Variants in ATP9B observed in about 807,000 individuals in gnomAD.
ATP9B encodes the protein ATPase phospholipid transporting 9B, also known as probable phospholipid-transporting ATPase IIB.
Under a neutral mutation model 146.1 loss-of-function variants are expected in ATP9B, and 110 were observed. That is an observed-to-expected ratio of 0.75 (90% confidence interval 0.65 to 0.88). ATP9B has a LOEUF of 0.88. Ranked by LOEUF, ATP9B falls within the 40% of genes least tolerant of loss-of-function variation. The pLI is 0.00. For missense variants in ATP9B, 1,499 were observed against 1,496.4 expected, an observed-to-expected ratio of 1.00 and a Z score of -0.03; for synonymous variants, 604 against 569.7, an observed-to-expected ratio of 1.06 and a Z score of -0.86.
chr18:79,218,983 C>A (rs534520160), intron 11 of ATP9B, among the ~76,000 whole-genome samples: 1 of 151,900 alleles, frequency 6.6e-6, no homozygotes, highest in African/African-American at 2.4e-5. Context: ...TTGCAGAACC[C>A]GGAAGAATAC....
chr18:79,105,798 A>G (rs537319092), intron 2 of ATP9B, among the ~76,000 whole-genome samples: 1 of 152,184 alleles, frequency 6.6e-6, no homozygotes, highest in African/African-American at 2.4e-5. Context: ...TCCTAGTTCT[A>G]ATGTCCTCAA....
rs1210012647 is a variant in ATP9B, at chr18:79,193,111, G to C, written c.874-72G>C. 4 of 1,150,462 alleles carry C rather than the reference G, an allele frequency of 3.5e-6. No individual in the cohort carries two copies. The South Asian group carries it at 5.7e-5, about 16-fold the overall frequency. The allele number at this position is 1,150,462 out of a possible 1,614,324, so 71.3% of individuals were successfully genotyped here. A position where few individuals can be genotyped will look rare whatever the true frequency, so the allele number is the denominator to read the frequency against. On this transcript the variant is annotated intron_variant, in intron 8 of 29. Coordinates refer to ENST00000426216, the MANE Select transcript of ATP9B (RefSeq NM_198531.5). ...AATAATATATGAACAATATTAATCA[G>C]CAAATGAGAAATTTCCAAGTAATTT...
chr18:79,303,504 T>C, intron 13 of ATP9B, 100 bp from the exon 14 acceptor site: 1 of 865,368 alleles, frequency 1.2e-6, no homozygotes, highest in South Asian at 1.6e-5. Context: ...TCCCAGCTGC[T>C]TCAGCCCATG....
chr18:79,075,512 A>AT (rs1426522837), intron 1 of ATP9B, among the ~76,000 whole-genome samples: 1 of 152,194 alleles, frequency 6.6e-6, no homozygotes, highest in Non-Finnish European at 1.5e-5. Context: ...CACATTTGAG[A>AT]TTCCTGTGTG....
At chr18:79,145,274 G>C (rs1453742504) in intron 6 of ATP9B, 9 of 145,950 alleles carry the variant, frequency 6.2e-5, no homozygotes, top group Non-Finnish European at 7.1e-5. Context: ...GGGGGAGCTG[G>C]CGGTGTGCAG....
chr18:79,242,126 A>G (rs1024730077), intron 11 of ATP9B, among the ~76,000 whole-genome samples: 3 of 152,232 alleles, frequency 2.0e-5, no homozygotes, highest in Admixed American at 6.5e-5. Flanking sequence ...GAGGGTTATT[A>G]ATTCGCTAAA....
At chr18:79,302,334 C>T (rs2096595840) in intron 13 of ATP9B, among the ~76,000 whole-genome samples, 1 of 151,438 alleles carries the variant, frequency 6.6e-6, no homozygotes, top group Non-Finnish European at 1.5e-5. Flanking sequence ...TAAGTGCACA[C>T]ACCCCCCGGG....
In ATP9B at chr18:79,348,209, C is replaced by T; in HGVS notation, c.2903+13C>T. The T allele has an allele frequency of 6.7e-7, 1 of 1,494,628 alleles. No individual in the cohort carries two copies. The highest frequency in any genetic ancestry group is 9.2e-7 in the Non-Finnish European group (1 of 1,085,864). The allele number at this position is 1,494,628 out of a possible 1,614,324, so 92.6% of individuals were successfully genotyped here. On this transcript the variant is annotated intron_variant, in intron 25 of 29. Transcript: ENST00000426216. ...TCCTCATGGTGGGGTAAGTTACACT[C>T]AGAACCTGCCAGCTCATCCAGGGGA...
At chr18:79,235,975 G>T (rs558748402) in intron 11 of ATP9B, among the ~76,000 whole-genome samples, 2 of 152,040 alleles carry the variant, frequency 1.3e-5, no homozygotes, top group Non-Finnish European at 2.9e-5. Context: ...CAGATCTCTT[G>T]GTGCAGTCTG....
intron 4 of ATP9B, among the ~76,000 whole-genome samples, chr18:79,118,398 T>TG (rs1326940002): frequency 6.7e-4 from 84 of 124,452 alleles, no homozygotes; most frequent in Non-Finnish European, 8.7e-4. Flanking sequence ...TTGTTTTTTT[T>TG]TTTTTTTTTT....
intron 11 of ATP9B, among the ~76,000 whole-genome samples, chr18:79,246,813 C>T (rs1344765315): frequency 6.6e-6 from 1 of 152,224 alleles, no homozygotes; most frequent in Non-Finnish European, 1.5e-5. Flanking sequence ...GACGTGAGCA[C>T]CGCAGCGGTG....
intron 25 of ATP9B, chr18:79,354,693 A>G (rs1015794612): frequency 3.9e-5 from 6 of 152,102 alleles, no homozygotes; most frequent in African/African-American, 1.4e-4. Flanking sequence ...AGCTGGAAAC[A>G]GAAGGCTCTG....
In ATP9B at chr18:79,143,794, T is replaced by C. The variant is rs2094543680; in HGVS notation, c.668-8T>C. 2 of 1,563,552 alleles carry C rather than the reference T, an allele frequency of 1.3e-6. No homozygotes were observed. The highest frequency in any genetic ancestry group is 1.7e-6 in the Non-Finnish European group (2 of 1,156,128). On this transcript the variant is annotated splice_polypyrimidine_tract_variant and splice_region_variant and intron_variant, in intron 5 of 29. Transcript: ENST00000426216. Reference sequence around the variant, plus strand: ...CCTTGAGTTGACTGTACTTCTTCTTTTTTTAAGGTAAAGTGCAAGTTAAGA... The same window carrying C: ...CCTTGAGTTGACTGTACTTCTTCTTCTTTTAAGGTAAAGTGCAAGTTAAGA...
chr18:79,319,966 A>C (rs1176431861), intron 15 of ATP9B, among the ~76,000 whole-genome samples: 1 of 152,124 alleles, frequency 6.6e-6, no homozygotes, highest in Non-Finnish European at 1.5e-5. Context: ...TCAGGGAGAG[A>C]GCGACTCTCT....
In ATP9B at chr18:79,359,966, C is replaced by T. The variant is rs556535177; in HGVS notation, c.3012+504C>T. 5.5e-5 allele frequency: 9 copies of T among 164,134 alleles called. No homozygotes were observed. In the South Asian group the frequency reaches 1.5e-3, roughly 27 times the overall value. 10.2% of individuals were successfully genotyped at this position (164,134 alleles called of 1,614,324 possible). ...CTGAAAAGTGATAACATGTGTCTGT[C>T]CCTAGGGTCCATAGACTATTTTTGC... On this transcript the variant is annotated intron_variant, in intron 26 of 29. Coordinates refer to ENST00000426216, the MANE Select transcript of ATP9B (RefSeq NM_198531.5).
chr18:79,104,075 T>G (rs1248855889), intron 2 of ATP9B, among the ~76,000 whole-genome samples: 1 of 152,084 alleles, frequency 6.6e-6, no homozygotes, highest in Non-Finnish European at 1.5e-5. Context: ...AAGCCCTTCC[T>G]TTTTGCACCC....
At chr18:79,290,150 C>T (rs1469771145) in intron 13 of ATP9B, among the ~76,000 whole-genome samples, 1 of 152,186 alleles carries the variant, frequency 6.6e-6, no homozygotes, top group Non-Finnish European at 1.5e-5. Context: ...TCAAAGCTGT[C>T]AGACAGGGAC....
chr18:79,102,074 T>C (rs1459440294), intron 2 of ATP9B, among the ~76,000 whole-genome samples: 4 of 152,154 alleles, frequency 2.6e-5, no homozygotes, highest in African/African-American at 9.7e-5. Context: ...GCCTTTCGAG[T>C]AGCTGGGACT....
intron 15 of ATP9B, among the ~76,000 whole-genome samples, chr18:79,313,259 G>A (rs771255414): frequency 1.3e-5 from 2 of 152,144 alleles, no homozygotes; most frequent in Non-Finnish European, 2.9e-5. Flanking sequence ...AGCAAATATG[G>A]GCATTTAGAC....
Sources: gnomAD v4.1 joint callset for allele counts (sites outside exome capture counted in the v4.1 genomes callset) on GRCh38, gnomAD v4.1.1 for gene constraint, MANE v1.5 for transcripts, NCBI Gene and HGNC (gene_info 2026-07-23, HGNC 2026-07-21) for gene names.